TENT4A: variants seen among roughly 807,000 people sequenced by gnomAD.
TENT4A encodes terminal nucleotidyltransferase 4A.
TENT4A carries 7 observed loss-of-function variants against 72.8 expected under a neutral mutation model. The ratio of observed to expected loss-of-function variants is 0.10; its 90% confidence interval spans 0.05 to 0.18. The LOEUF (loss-of-function observed/expected upper bound fraction) is 0.18, where lower values mean the gene tolerates loss of function less well. Among genes scored for constraint, TENT4A ranks in the 10% least tolerant of loss-of-function variants. The pLI, the probability that TENT4A is intolerant of heterozygous loss-of-function variation, is 1.00. For synonymous variants in TENT4A, 456 were observed against 434.3 expected (o/e 1.05, Z -0.62); for missense variants, 831 against 1,017.7 (o/e 0.82, Z 2.50).
chr5:6,739,851 CG>C lies in TENT4A; in HGVS notation c.1008+1del. On this transcript the variant is annotated frameshift_variant and splice_region_variant, in exon 4 of 13. Transcript: ENST00000230859. LOFTEE classifies it high-confidence loss of function. Reference protein sequence around the residue: ...PCSIKVLDKATVPIIKLTDQE... With the variant: ...PCSIKVLDKAXVPIIKLTDQE... ...TCCATCAAAGTCCTTGACAAGGCTA[CG>C]GTGAGTGCCTGGCTTTGGCCCCTCT... is the stretch of plus-strand genomic sequence containing the variant. 6.2e-7 allele frequency: 1 copy of C among 1,613,506 alleles called. No homozygotes were observed. The highest frequency in any genetic ancestry group is 8.5e-7 in the Non-Finnish European group (1 of 1,179,430).
chr5:6,745,052 A>G (rs1269697178), intron 6 of TENT4A, among the ~76,000 whole-genome samples: 1 of 152,188 alleles, frequency 6.6e-6, no homozygotes, highest in Non-Finnish European at 1.5e-5. Context: ...TGCCTTGTCC[A>G]GTGCCCAGAG....
chr5:6,724,723 G>T (rs1740824222), intron 1 of TENT4A, among the ~76,000 whole-genome samples: 1 of 152,232 alleles, frequency 6.6e-6, no homozygotes, highest in South Asian at 2.1e-4. Flanking sequence ...AAGATGACTT[G>T]CTGTTCACAG....
At chr5:6,714,739 C>A in intron 1 of TENT4A, 40 bp downstream of exon 1, 2 of 1,138,236 alleles carry the variant, frequency 1.8e-6, no homozygotes, top group South Asian at 4.4e-5. Context: ...GGGCGGGGCC[C>A]ATGGTCCTGG....
At chr5:6,749,295 C>T (rs1168274248) in intron 8 of TENT4A, among the ~76,000 whole-genome samples, 3 of 152,152 alleles carry the variant, frequency 2.0e-5, no homozygotes, top group Non-Finnish European at 2.9e-5. Context: ...GTATGATCAT[C>T]GTGGGTGGGA....
Position 6,755,494 on chromosome 5 carries a change from A to G in TENT4A, c.*549A>G, listed in dbSNP as rs946938365. The G allele has an allele frequency of 6.6e-6, 1 of 152,658 alleles. No individual in the cohort carries two copies. The highest frequency in any genetic ancestry group is 2.4e-5 in the African/African-American group (1 of 41,462). The allele number at this position is 152,658 out of a possible 1,614,324, so 9.5% of individuals were successfully genotyped here. ...AATTTCCTATTTTCACATAAGTTAT[A>G]TTTAAGGGAGGAGGGAATTTTTTTT... On this transcript the variant is annotated 3_prime_UTR_variant, in exon 13 of 13. Transcript: ENST00000230859.
chr5:6,744,923 G>T lies in TENT4A; in HGVS notation c.1245+1083G>T, dbSNP rs1264814375. Among the ~76,000 whole-genome samples, 4 of 152,154 alleles carry T rather than the reference G, an allele frequency of 2.6e-5. No individual in the cohort carries two copies. The East Asian group carries it at 7.7e-4, about 29-fold the overall frequency. ...TACTTTGATCATGCATGTGCCATGTGCCAGGCCTGGGTCCAGGGCCTCCTC... is the reference window on the plus strand; with the variant it reads ...TACTTTGATCATGCATGTGCCATGTTCCAGGCCTGGGTCCAGGGCCTCCTC... On this transcript the variant is annotated intron_variant, in intron 6 of 12. Transcript: ENST00000230859.
chr5:6,740,743 G>A (rs1741756535), intron 4 of TENT4A, among the ~76,000 whole-genome samples: 3 of 152,248 alleles, frequency 2.0e-5, no homozygotes, highest in Admixed American at 6.5e-5. Flanking sequence ...GGACCAGAGC[G>A]AGCAGGCAGC....
intron 1 of TENT4A, among the ~76,000 whole-genome samples, chr5:6,729,700 G>C (rs1012307599): frequency 6.6e-6 from 1 of 152,198 alleles, no homozygotes; most frequent in African/African-American, 2.4e-5. Context: ...TTCAGAGTCT[G>C]TGGGCCCTTG....
Position 6,750,399 on chromosome 5 carries a change from G to A in TENT4A, c.1756G>A (p.Glu586Lys), listed in dbSNP as rs993170367. 45 of 1,613,186 alleles carry A rather than the reference G, an allele frequency of 2.8e-5. No individual in the cohort carries two copies. The highest frequency in any genetic ancestry group is 3.5e-5 in the Non-Finnish European group (41 of 1,179,626). Residue 586 changes from glutamate (E) to lysine (K), a missense_variant, in exon 10 of 13, where the codon GAG (glutamate) becomes AAG (lysine). By Grantham distance (56) the Glu-to-Lys change is moderately conservative. This residue lies in a region of TENT4A where 332 missense variants were observed against 324.3 expected (regional missense o/e 1.02). Coordinates refer to ENST00000230859, the MANE Select transcript of TENT4A (RefSeq NM_006999.6). Reference protein sequence around the residue: ...NGEQTQNREPESPYGQRLTLS... With the variant: ...NGEQTQNREPKSPYGQRLTLS... ...GGAGCAGACGCAGAACCGAGAGCCCGAGTCTCCCTATGGCCAGCGCTTGAC... is the reference window on the plus strand; with the variant it reads ...GGAGCAGACGCAGAACCGAGAGCCCAAGTCTCCCTATGGCCAGCGCTTGAC...
chr5:6,751,017 TG>T (rs752286011), intron 10 of TENT4A, 21 bp from the exon 11 acceptor site: 4 of 1,612,898 alleles, frequency 2.5e-6, no homozygotes, highest in Non-Finnish European at 3.4e-6. Flanking sequence ...CTGTCCTTTT[TG>T]TTTTTTGTAC....
intron 1 of TENT4A, among the ~76,000 whole-genome samples, chr5:6,729,775 G>A (rs1741113769): frequency 6.6e-6 from 1 of 152,144 alleles, no homozygotes; most frequent in South Asian, 2.1e-4. Context: ...GTTTTTTTGT[G>A]TGTGTGTGCT....
intron 1 of TENT4A, among the ~76,000 whole-genome samples, chr5:6,735,325 G>C (rs1320578699): frequency 6.6e-6 from 1 of 152,200 alleles, no homozygotes; most frequent in Admixed American, 6.5e-5. Flanking sequence ...ACATGGTGTA[G>C]TGGTTTAGGT....
At position 6,754,797 on chromosome 5, in the gene TENT4A, C is replaced by T. The variant is rs746285850; in HGVS notation, c.2231C>T (p.Thr744Ile). 1.2e-5 allele frequency: 19 copies of T among 1,601,890 alleles called. No individual in the cohort carries two copies. The highest frequency in any genetic ancestry group is 1.4e-5 in the Non-Finnish European group (16 of 1,170,460). ...KLSMKGSHGH[T>I]QGGGYSSVGS... The stretch of plus-strand genomic sequence containing the variant: ...TCCATGAAGGGCTCTCACGGCCACA[C>T]CCAAGGCGGCGGCTACAGCTCTGTG... The change falls in exon 13 of 13, where the codon ACC becomes ATC. Residue 744 changes from threonine (T) to isoleucine (I), a missense_variant. Thr to Ile is a moderately conservative substitution (Grantham distance 89). Around this residue, in one of 3 missense-constraint regions of TENT4A, gnomAD observed 332 missense variants for 324.3 expected, o/e 1.02. Coordinates refer to ENST00000230859, the MANE Select transcript of TENT4A (RefSeq NM_006999.6).
chr5:6,756,461 TG>T lies in TENT4A; in HGVS notation c.*1520del. ...ATGACATCTGATGCATGTGCAGCAGTGGGGAGTTCTAGATTGATCTCTGAAT... is the reference window on the plus strand; with the variant it reads ...ATGACATCTGATGCATGTGCAGCAGTGGGAGTTCTAGATTGATCTCTGAAT... On this transcript the variant is annotated 3_prime_UTR_variant, in exon 13 of 13. Transcript: ENST00000230859. 1 of 152,538 alleles carries T rather than the reference TG, an allele frequency of 6.6e-6. No homozygotes were observed. The highest frequency in any genetic ancestry group is 1.9e-4 in the East Asian group (1 of 5,180). The allele number at this position is 152,538 out of a possible 1,614,324, so 9.4% of individuals were successfully genotyped here.
At chr5:6,715,338 A>G (rs1185816756) in intron 1 of TENT4A, among the ~76,000 whole-genome samples, 1 of 152,152 alleles carries the variant, frequency 6.6e-6, no homozygotes, top group African/African-American at 2.4e-5. Flanking sequence ...AAATATTTCT[A>G]CATCCGCCTA....
intron 12 of TENT4A, 78 bp downstream of exon 12, chr5:6,753,115 A>G (rs1041716513): frequency 4.4e-6 from 6 of 1,359,882 alleles, no homozygotes; most frequent in South Asian, 1.6e-5. Flanking sequence ...TTTCTCCTCC[A>G]GAGAGAATTC....
chr5:6,750,996 T>G, intron 10 of TENT4A, 43 bp from the exon 11 acceptor site: 1 of 1,605,326 alleles, frequency 6.2e-7, no homozygotes, highest in Non-Finnish European at 8.5e-7. Context: ...TAGTGCACCT[T>G]TGTGGTACAG....
At chr5:6,727,054 C>T (rs948829509) in intron 1 of TENT4A, among the ~76,000 whole-genome samples, 3 of 152,104 alleles carry the variant, frequency 2.0e-5, no homozygotes, top group Non-Finnish European at 4.4e-5. Context: ...CTTCTTCGCT[C>T]TTGTTCCACT....
chr5:6,725,048 G>T (rs1243349841), intron 1 of TENT4A, among the ~76,000 whole-genome samples: 1 of 152,246 alleles, frequency 6.6e-6, no homozygotes, highest in Non-Finnish European at 1.5e-5. Flanking sequence ...CAGGCTGGGT[G>T]CAATGGCTCA....
Sources: allele counts gnomAD v4.1 joint callset (sites outside exome capture counted in the v4.1 genomes callset), GRCh38; gene constraint gnomAD v4.1.1; regional missense constraint gnomAD v4.1.1; transcripts MANE v1.5; gene names NCBI Gene and HGNC (gene_info 2026-07-23, HGNC 2026-07-21).